Variants in AP3B1 observed in about 807,000 individuals in gnomAD.
The protein encoded by AP3B1 is AP-3 complex subunit beta-1.
A neutral mutation model predicts 132.5 loss-of-function variants in AP3B1; 61 were observed. That is an observed-to-expected ratio of 0.46 (90% CI 0.37 to 0.57). AP3B1 has a LOEUF of 0.57. Ranked by LOEUF, AP3B1 falls within the 20% of genes least tolerant of loss-of-function variation. The probability of loss-of-function intolerance (pLI) is 0.00; values close to 1 mark genes in which losing one functional copy is unlikely to be tolerated. For missense variants in AP3B1, 1,120 were observed against 1,289.4 expected (o/e 0.87, Z 2.01); for synonymous variants, 388 against 438.3 (o/e 0.89, Z 1.43).
At chr5:78,023,126 C>T (rs1747175841) in intron 24 of AP3B1, among the ~76,000 whole-genome samples, 1 of 152,184 alleles carries the variant, frequency 6.6e-6, no homozygotes, top group Non-Finnish European at 1.5e-5. Flanking sequence ...GAAGAAACTT[C>T]ACACCTTCTA....
At chr5:78,229,845 A>T (rs1746568632) in intron 3 of AP3B1, among the ~76,000 whole-genome samples, 1 of 152,188 alleles carries the variant, frequency 6.6e-6, no homozygotes, top group South Asian at 2.1e-4. Context: ...GGAAATATAA[A>T]AACAGTACTA....
chr5:78,072,016 T>C (rs192724357), intron 22 of AP3B1, among the ~76,000 whole-genome samples: 21 of 152,326 alleles, frequency 1.4e-4, no homozygotes, highest in East Asian at 5.8e-4. Flanking sequence ...GAAGCATGAA[T>C]GTCAAATCTT....
In AP3B1 at chr5:78,033,114, C is replaced by A. The variant is rs145834089; in HGVS notation, c.2894+1247G>T. Among the ~76,000 whole-genome samples the A allele has an allele frequency of 6.3e-3, 957 of 152,126 alleles. 11 individuals are homozygous for A. The highest frequency in any genetic ancestry group is 0.022 in the African/African-American group (900 of 41,542). ...TTCTTAATTTTGGTCTAACTTGGTA[C>A]GTGAGCTTTGTCATTGGGTTCACAT... On this transcript the variant is annotated intron_variant, in intron 24 of 26. Coordinates refer to ENST00000255194, the MANE Select transcript of AP3B1 (RefSeq NM_003664.5).
chr5:78,163,621 ATAG>A lies in AP3B1; in HGVS notation c.1231-673_1231-671del, dbSNP rs201737005. On this transcript the variant is annotated intron_variant, in intron 12 of 26. Transcript: ENST00000255194. ...TATATATATGTGTGTGTGTGTATAT[ATAG>A]TATATATATAGTATACATATATATA... is the stretch of plus-strand genomic sequence containing the variant. 1.1e-3 allele frequency among the ~76,000 whole-genome samples: 163 copies of A among 146,688 alleles called. 1 individual carries two copies. The highest frequency in any genetic ancestry group is 4.8e-3 in the Admixed American group (71 of 14,688).
chr5:78,048,015 G>A (rs1748415063), intron 22 of AP3B1, among the ~76,000 whole-genome samples: 1 of 152,220 alleles, frequency 6.6e-6, no homozygotes, highest in Admixed American at 6.5e-5. Context: ...CTGAAAGGGT[G>A]AATAGGAGCT....
intron 26 of AP3B1, among the ~76,000 whole-genome samples, chr5:78,006,599 T>G (rs1746407237): frequency 6.6e-6 from 1 of 152,140 alleles, no homozygotes; most frequent in Middle Eastern, 3.2e-3. Context: ...TGAATGGAGC[T>G]GTAACACAGG....
intron 1 of AP3B1, among the ~76,000 whole-genome samples, chr5:78,284,718 G>A (rs937346563): frequency 2.6e-5 from 4 of 152,122 alleles, no homozygotes; most frequent in African/African-American, 7.2e-5. Flanking sequence ...ATTGAAATTA[G>A]GGTTGTTATT....
At chr5:78,009,546 T>C (rs1445259568) in intron 26 of AP3B1, among the ~76,000 whole-genome samples, 1 of 152,180 alleles carries the variant, frequency 6.6e-6, no homozygotes, top group Non-Finnish European at 1.5e-5. Flanking sequence ...TGAAATAAAC[T>C]GTCTTTATGT....
chr5:78,200,850 T>C (rs989540711), intron 7 of AP3B1, among the ~76,000 whole-genome samples: 1 of 152,142 alleles, frequency 6.6e-6, no homozygotes, highest in African/African-American at 2.4e-5. Flanking sequence ...TGGGCCAAAC[T>C]GTGCCCCCCA....
rs1410769138 is a variant in AP3B1, at chr5:78,165,833, C to G, written c.1168-161G>C. On this transcript the variant is annotated intron_variant, in intron 11 of 26. Transcript: ENST00000255194. ...CCTGTAATCCCAGCACTTTGGGAAG[C>G]CGAGGCGGGCGGATCACCTGAGGCT... is the stretch of plus-strand genomic sequence containing the variant. Among the ~76,000 whole-genome samples, 6 of 152,298 alleles carry G rather than the reference C, an allele frequency of 3.9e-5. No homozygotes were observed. In the East Asian group the frequency reaches 1.2e-3, roughly 29 times the overall value.
intron 7 of AP3B1, among the ~76,000 whole-genome samples, chr5:78,199,438 A>T (rs2112448703): frequency 6.6e-6 from 1 of 152,324 alleles, no homozygotes; most frequent in South Asian, 2.1e-4. Flanking sequence ...AAATAGAAAC[A>T]TTTTTTGTTA....
intron 26 of AP3B1, among the ~76,000 whole-genome samples, chr5:78,010,799 CTTTA>C (rs1746588916): frequency 6.6e-6 from 1 of 152,072 alleles, no homozygotes; most frequent in Non-Finnish European, 1.5e-5. Flanking sequence ...TTGGGATACA[CTTTA>C]TTTATGTATT....
intron 6 of AP3B1, among the ~76,000 whole-genome samples, chr5:78,218,469 G>T (rs1313398636): frequency 1.3e-5 from 2 of 151,822 alleles, no homozygotes; most frequent in East Asian, 3.9e-4. Flanking sequence ...TCTTCCCTTG[G>T]TTGCCACGTT....
chr5:78,168,619 T>C (rs1743764127), intron 11 of AP3B1, among the ~76,000 whole-genome samples: 1 of 152,218 alleles, frequency 6.6e-6, no homozygotes, highest in East Asian at 1.9e-4. Context: ...TTTGAGACGA[T>C]AGATGCCAAT....
chr5:78,278,789 G>A (rs987813385), intron 1 of AP3B1, among the ~76,000 whole-genome samples: 1 of 152,022 alleles, frequency 6.6e-6, no homozygotes, highest in Non-Finnish European at 1.5e-5. Context: ...CCTGAGCTCC[G>A]CCTCCTGTCA....
intron 22 of AP3B1, chr5:78,087,642 A>T: frequency 1.0e-6 from 1 of 985,360 alleles, no homozygotes; most frequent in Non-Finnish European, 1.2e-6. Flanking sequence ...TTTTTTGCCC[A>T]ACTTTAGATG....
rs183594512 is a variant in AP3B1 at position 78,100,858 on chromosome 5, T to C, written c.2470+95A>G. The C allele has an allele frequency of 2.8e-4, 201 of 718,690 alleles. 2 individuals are homozygous for C. In the African/African-American group the frequency reaches 3.0e-3, roughly 11 times the overall value. The allele number at this position is 718,690 out of a possible 1,614,324, so 44.5% of individuals were successfully genotyped here. ...ATCTATAAGTCTTTCACAATAAATA[T>C]TGATATATTTTGGGACATGTAAATG... On this transcript the variant is annotated intron_variant, in intron 21 of 26. Transcript: ENST00000255194.
At chr5:78,113,292 T>C (rs937337546) in intron 19 of AP3B1, among the ~76,000 whole-genome samples, 5 of 152,362 alleles carry the variant, frequency 3.3e-5, no homozygotes, top group Middle Eastern at 3.4e-3. Flanking sequence ...TCTTAAAAAG[T>C]GCTAACACTT....
chr5:78,101,258 A>G, intron 20 of AP3B1: 1 of 472,766 alleles, frequency 2.1e-6, no homozygotes, highest in South Asian at 2.1e-5. Context: ...AAAATTATAA[A>G]TGTCAGAACA....
Sources: gnomAD v4.1 joint callset for allele counts (sites outside exome capture counted in the v4.1 genomes callset) on GRCh38, gnomAD v4.1.1 for gene constraint, MANE v1.5 for transcripts, NCBI Gene and HGNC (gene_info 2026-07-23, HGNC 2026-07-21) for gene names.